The following NBAS variants were observed in gnomAD, a reference collection of about 807,000 sequenced individuals.
The protein encoded by NBAS is NBAS subunit of NRZ tethering complex, also known as NAG/BC035112 fusion.
In NBAS, 219 loss-of-function variants were observed where a neutral mutation model predicts 302.5. The ratio of observed to expected loss-of-function variants is 0.72; its 90% CI spans 0.65 to 0.81. The LOEUF (loss-of-function observed/expected upper bound fraction) is 0.81. NBAS is among the 30% of genes least tolerant of loss of function. The probability of loss-of-function intolerance (pLI) is 0.00; values close to 1 mark genes in which losing one functional copy is unlikely to be tolerated. For synonymous variants in NBAS, 1,118 were observed against 1,021.6 expected (o/e 1.09, Z -1.80); for missense variants, 2,932 against 2,841.6 (o/e 1.03, Z -0.72).
intron 21 of NBAS, among the ~76,000 whole-genome samples, chr2:15,446,428 T>G (rs1443614519): frequency 1.3e-5 from 2 of 152,186 alleles, no homozygotes; most frequent in African/African-American, 4.8e-5. Flanking sequence ...CAAGTACAAC[T>G]GTTAGCCTAG....
At chr2:14,979,981 G>A in the NBAS span, among the ~76,000 whole-genome samples, 1 of 152,176 alleles carries the variant, frequency 6.6e-6, no homozygotes, top group Admixed American at 6.5e-5. Context: ...GAATAAAGGT[G>A]TGAAAAACTA....
At chr2:15,143,546 C>T in the NBAS span, among the ~76,000 whole-genome samples, 3 of 152,192 alleles carry the variant, frequency 2.0e-5, no homozygotes, top group African/African-American at 4.8e-5. Flanking sequence ...TCTCCACCCA[C>T]GGGCTTCGTC....
chr2:15,308,341 T>A lies in NBAS; in HGVS notation c.4672A>T (p.Asn1558Tyr). The A allele has an allele frequency of 6.2e-7, 1 of 1,614,106 alleles. No homozygotes were observed. The highest frequency in any genetic ancestry group is 1.1e-5 in the South Asian group (1 of 91,072). Reference protein sequence around the residue: ...LLALPQVLDANRCFEKQSPSA... With the variant: ...LLALPQVLDAYRCFEKQSPSA... The stretch of plus-strand genomic sequence containing the variant: ...GGGGACTGCTTTTCAAAGCACCGGT[T>A]AGCATCTAACACCTAGGAGGGAACA... The change falls in exon 40 of 52, where the codon AAC (asparagine) becomes TAC (tyrosine). Residue 1558 changes from asparagine (N) to tyrosine (Y), a missense_variant. Asn to Tyr is a moderately radical substitution (Grantham distance 143). Coordinates refer to ENST00000281513, the MANE Select transcript of NBAS (RefSeq NM_015909.4).
At chr2:15,264,271 T>C (rs1420141531) in intron 44 of NBAS, among the ~76,000 whole-genome samples, 1 of 152,188 alleles carries the variant, frequency 6.6e-6, no homozygotes, top group African/African-American at 2.4e-5. Flanking sequence ...CTGAGATCTT[T>C]TATTTATTCC....
Position 15,475,703 on chromosome 2 carries a change from C to A in NBAS, c.1325G>T (p.Gly442Val). ...SPQVTATHDG[G>V]FLSLECEIKL... ...AAGCCTTACCTCCAAACTTAAAAATCCCCCATCATGGGTAGCAGTGACTTG... is the reference window on the plus strand; with the variant it reads ...AAGCCTTACCTCCAAACTTAAAAATACCCCATCATGGGTAGCAGTGACTTG... Residue 442 changes from glycine (G) to valine (V), a missense_variant, in exon 14 of 52, where the codon GGA becomes GTA. Gly to Val is a moderately radical substitution (Grantham distance 109). Transcript: ENST00000281513. 2 of 1,614,016 alleles carry A rather than the reference C, an allele frequency of 1.2e-6. No individual in the cohort carries two copies. Among genetic ancestry groups the A allele is most frequent in the Non-Finnish European group, 1.7e-6 (2 of 1,179,954 alleles).
intron 35 of NBAS, among the ~76,000 whole-genome samples, chr2:15,351,426 A>G (rs1673350096): frequency 6.6e-6 from 1 of 152,034 alleles, no homozygotes; most frequent in African/African-American, 2.4e-5. Flanking sequence ...CCTGTAATCC[A>G]CGCACTTTGG....
chr2:15,462,175 A>C (rs528889656), intron 19 of NBAS, among the ~76,000 whole-genome samples: 1 of 152,360 alleles, frequency 6.6e-6, no homozygotes, highest in East Asian at 1.9e-4. Context: ...TGTCAAATGC[A>C]GATTGAACCA....
intron 44 of NBAS, among the ~76,000 whole-genome samples, chr2:15,240,446 C>CAAAAA (rs1175235771): frequency 1.1e-4 from 8 of 75,382 alleles, no homozygotes; most frequent in South Asian, 3.4e-4. Flanking sequence ...ACTAAAAATA[C>CAAAAA]AAAAAAAAAA....
chr2:15,373,096 G>A (rs1460783623), intron 31 of NBAS, among the ~76,000 whole-genome samples: 2 of 151,976 alleles, frequency 1.3e-5, no homozygotes, highest in Non-Finnish European at 1.5e-5. Context: ...TGAGGGAGAC[G>A]TAGTTAATGA....
At chr2:15,009,536 G>C in the NBAS span, among the ~76,000 whole-genome samples, 1 of 151,060 alleles carries the variant, frequency 6.6e-6, no homozygotes, top group African/African-American at 2.4e-5. Flanking sequence ...TAACTGGAAA[G>C]GCTAAAGCCA....
intron 35 of NBAS, among the ~76,000 whole-genome samples, chr2:15,336,330 T>C (rs529881668): frequency 7.7e-4 from 118 of 152,352 alleles, no homozygotes; most frequent in Non-Finnish European, 1.1e-3. Flanking sequence ...TATTTATTCA[T>C]TGCTATAGCC....
chr2:14,966,422 G>A, the NBAS span, among the ~76,000 whole-genome samples: 1 of 152,114 alleles, frequency 6.6e-6, no homozygotes, highest in Non-Finnish European at 1.5e-5. Flanking sequence ...CAGAGGATTG[G>A]TTCCAGGACT....
At chr2:14,950,676 G>A in the NBAS span, among the ~76,000 whole-genome samples, 1 of 152,200 alleles carries the variant, frequency 6.6e-6, no homozygotes, top group Non-Finnish European at 1.5e-5. Context: ...ATGGTAAGTA[G>A]AAGTAGGTGC....
the NBAS span, among the ~76,000 whole-genome samples, chr2:14,843,582 A>ACACAC: frequency 0.099 from 14,973 of 150,748 alleles, 1,261 homozygotes; most frequent in African/African-American, 0.23. Flanking sequence ...ACACACACAC[A>ACACAC]AAAATACCTT....
chr2:14,801,769 TG>T, the NBAS span, among the ~76,000 whole-genome samples: 1 of 152,236 alleles, frequency 6.6e-6, no homozygotes, highest in South Asian at 2.1e-4. Flanking sequence ...AGAGCTTTGC[TG>T]AGGGATGTGA....
intron 45 of NBAS, among the ~76,000 whole-genome samples, chr2:15,237,791 T>TTTTTTTTTTC (rs1667668072): frequency 7.9e-6 from 1 of 125,790 alleles, no homozygotes; most frequent in Non-Finnish European, 1.7e-5. Context: ...TTTTTTTTTT[T>TTTTTTTTTTC]TGAGACGGAG....
In NBAS at chr2:15,206,255, T is replaced by A. The variant is rs145844906; in HGVS notation, c.6432+12518A>T. ...AACTCTGAGCTTGAAAATGATAATT[T>A]AGGGAATCTGGCAGAAATTTACAAG... On this transcript the variant is annotated intron_variant, in intron 48 of 51. Transcript: ENST00000281513. Among the ~76,000 whole-genome samples the A allele has an allele frequency of 3.0e-3, 453 of 152,260 alleles. 3 individuals carry two copies. The highest frequency in any genetic ancestry group is 0.01 in the African/African-American group (422 of 41,562).
chr2:14,961,653 A>G, the NBAS span, among the ~76,000 whole-genome samples: 2 of 152,224 alleles, frequency 1.3e-5, no homozygotes, highest in African/African-American at 4.8e-5. Context: ...CATAGGATCA[A>G]AATAAAAATA....
the NBAS span, among the ~76,000 whole-genome samples, chr2:15,017,524 A>G: frequency 3.9e-5 from 6 of 151,964 alleles, no homozygotes; most frequent in African/African-American, 1.4e-4. Context: ...TGCTCAAAAA[A>G]AAAGACATAC....
Sources: gnomAD v4.1 joint callset for allele counts (sites outside exome capture counted in the v4.1 genomes callset) on GRCh38, gnomAD v4.1.1 for gene constraint, MANE v1.5 for transcripts, NCBI Gene and HGNC (gene_info 2026-07-23, HGNC 2026-07-21) for gene names.